Variants in ABCA10 observed in about 807,000 individuals in gnomAD.
ABCA10 encodes ATP-binding cassette sub-family A member 10.
Under a neutral mutation model 187.5 loss-of-function variants are expected in ABCA10, and 169 were observed. The observed-to-expected ratio is 0.90, with a 90% CI of 0.80 to 1.02. The LOEUF (loss-of-function observed/expected upper bound fraction) is 1.02. Among genes scored for constraint, ABCA10 ranks in the 50% least tolerant of loss-of-function variants. The pLI is 0.00. For missense variants in ABCA10, 1,727 were observed against 1,812.4 expected, an observed-to-expected ratio of 0.95 and a Z score of 0.86; for synonymous variants, 574 against 601.8, an observed-to-expected ratio of 0.95 and a Z score of 0.68.
At chr17:69,232,605 AAT>A (rs1271402243), upstream of ABCA10, among the ~76,000 whole-genome samples, 1 of 152,140 alleles carries the variant, frequency 6.6e-6, no homozygotes, top group African/African-American at 2.4e-5. Context: ...TATTATTTTT[AAT>A]AGTTTTGACT....
At chr17:69,162,114 C>G (rs983179173) in intron 27 of ABCA10, among the ~76,000 whole-genome samples, 2 of 152,176 alleles carry the variant, frequency 1.3e-5, no homozygotes, top group African/African-American at 4.8e-5. Context: ...AAACTTTCTA[C>G]TTAGTGCAGG....
Position 69,153,953 on chromosome 17 carries a change from C to G in ABCA10, c.3843G>C (p.Lys1281Asn), listed in dbSNP as rs144160248. The G allele has an allele frequency of 2.0e-5, 32 of 1,614,114 alleles. No individual in the cohort carries two copies. The African/African-American group carries it at 3.5e-4, about 17-fold the overall frequency. Residue 1281 changes from lysine (K) to asparagine (N), a missense_variant, in exon 32 of 39, where the codon AAG (lysine) becomes AAC (asparagine). Physicochemically the swap from Lys to Asn is moderately conservative, Grantham distance 94. Coordinates refer to ENST00000690296, the MANE Select transcript of ABCA10 (RefSeq NM_001377321.1). ...TCTCCTGAGGGCAGTACCCCAAGAA[C>G]TTGAGGCTGTTGTCATGCTGTTGCC... is the stretch of plus-strand genomic sequence containing the variant. ...SVRQQHDNSLKFLGYCPQENS... is the reference protein window; with the variant it reads ...SVRQQHDNSLNFLGYCPQENS...
At chr17:69,212,252 G>A (rs1244143099) in intron 9 of ABCA10, among the ~76,000 whole-genome samples, 1 of 152,086 alleles carries the variant, frequency 6.6e-6, no homozygotes, top group East Asian at 1.9e-4. Flanking sequence ...TCATTCAGGA[G>A]CAGGTTATTT....
At chr17:69,189,754 C>A (rs1208267198) in intron 18 of ABCA10, among the ~76,000 whole-genome samples, 1 of 152,108 alleles carries the variant, frequency 6.6e-6, no homozygotes, top group African/African-American at 2.4e-5. Context: ...AGCCAGTTAT[C>A]CCAGCACCAT....
intron 25 of ABCA10, among the ~76,000 whole-genome samples, chr17:69,172,468 C>T (rs1328766915): frequency 6.6e-6 from 1 of 151,996 alleles, no homozygotes; most frequent in African/African-American, 2.4e-5. Flanking sequence ...GAAGATGGCC[C>T]TCTATAAGCC....
Position 69,176,179 on chromosome 17 carries a change from T to C in ABCA10, c.2770-666A>G, listed in dbSNP as rs1481242331. On this transcript the variant is annotated intron_variant, in intron 22 of 38. Transcript: ENST00000690296. ...ATCATATCTGAAGCACTGAGTTAAGTTGTCATTTGTTCCAGTTCCCTATTT... is the reference window on the plus strand; with the variant it reads ...ATCATATCTGAAGCACTGAGTTAAGCTGTCATTTGTTCCAGTTCCCTATTT... Among the ~76,000 whole-genome samples the C allele has an allele frequency of 3.3e-5, 5 of 152,156 alleles. No individual in the cohort carries two copies. In the East Asian group the frequency reaches 5.8e-4, roughly 18 times the overall value.
rs2074811103 is a variant in ABCA10, at chr17:69,228,583, T to G, written c.-315A>C. ...ATGTAAAACAAATTTTAACTTACAG[T>G]TAAGAAAATAAGAGAGAAGTATTTG... is the stretch of plus-strand genomic sequence containing the variant. On this transcript the variant is annotated splice_region_variant and 5_prime_UTR_variant, in exon 1 of 39. Transcript: ENST00000690296. 6.6e-6 allele frequency: 1 copy of G among 151,978 alleles called. No individual in the cohort carries two copies. Among genetic ancestry groups the G allele is most frequent in the Admixed American group, 6.6e-5 (1 of 15,238 alleles). 9.4% of individuals were successfully genotyped at this position (151,978 alleles called of 1,614,324 possible).
At chr17:69,243,611 T>C (rs2074920000) in intron 1 of ABCA10, among the ~76,000 whole-genome samples, 3 of 152,234 alleles carry the variant, frequency 2.0e-5, no homozygotes, top group South Asian at 2.1e-4. Context: ...TTTACGATGC[T>C]TGAAGGCCAG....
Position 69,219,633 on chromosome 17 carries a change from T to C in ABCA10, c.442A>G (p.Ile148Val), listed in dbSNP as rs560140321. The C allele has an allele frequency of 6.2e-6, 10 of 1,611,108 alleles. No individual in the cohort carries two copies. Among genetic ancestry groups the C allele is most frequent in the Middle Eastern group, 1.7e-4 (1 of 6,044 alleles). ...GCAACATTTAATGATGCAAAGTATA[T>C]AAAAGAAGAGAAAGAAACTAAGCAA... ...FTCLVSFSSF[I>V]YFASLNVARE... Residue 148 changes from isoleucine to valine, a missense_variant, in exon 6 of 39, where the codon ATA becomes GTA. Ile to Val is a conservative substitution (Grantham distance 29, BLOSUM62 3). Coordinates refer to ENST00000690296, the MANE Select transcript of ABCA10 (RefSeq NM_001377321.1).
chr17:69,225,940 T>C (rs1461847518), intron 2 of ABCA10, among the ~76,000 whole-genome samples: 2 of 152,050 alleles, frequency 1.3e-5, no homozygotes, highest in African/African-American at 4.8e-5. Flanking sequence ...ATGACTTAAA[T>C]GACAGCATGG....
rs2074800942 is a variant in ABCA10, at chr17:69,227,132, T to TATATATATATAG, written c.-172+12_-172+13insCTATATATATAT. 1 of 149,332 alleles carries TATATATATATAG rather than the reference T, an allele frequency of 6.7e-6. No individual in the cohort carries two copies. The highest frequency in any genetic ancestry group is 6.7e-5 in the Admixed American group (1 of 14,900). 9.3% of individuals were successfully genotyped at this position (149,332 alleles called of 1,614,324 possible). A position where few individuals can be genotyped will look rare whatever the true frequency, so the allele number is the denominator to read the frequency against. On this transcript the variant is annotated intron_variant, in intron 2 of 38. Coordinates refer to ENST00000690296, the MANE Select transcript of ABCA10 (RefSeq NM_001377321.1). Reference sequence around the variant, plus strand: ...AATTATGGATATATATATATATATATAGTGAATCATACCAATAAACTCTCT... The same window carrying TATATATATATAG: ...AATTATGGATATATATATATATATATATATATATATAGAGTGAATCATACCAATAAACTCTCT...
intron 25 of ABCA10, among the ~76,000 whole-genome samples, chr17:69,171,497 G>A (rs541872339): frequency 6.6e-6 from 1 of 152,252 alleles, no homozygotes; most frequent in South Asian, 2.1e-4. Context: ...GTAGAGAATA[G>A]TATGAAAAGC....
At position 69,164,164 on chromosome 17, in the gene ABCA10, A is replaced by T. The variant is rs776076057; in HGVS notation, c.3283-10T>A. 6.4e-7 allele frequency: 1 copy of T among 1,570,286 alleles called. No individual in the cohort carries two copies. The highest frequency in any genetic ancestry group is 8.6e-7 in the Non-Finnish European group (1 of 1,166,200). ...TTCTCATAAAGTCGAGCTGAAAAAAAACCCACCAACAGTTAAATGCAAGTT... is the reference window on the plus strand; with the variant it reads ...TTCTCATAAAGTCGAGCTGAAAAAATACCCACCAACAGTTAAATGCAAGTT... On this transcript the variant is annotated splice_polypyrimidine_tract_variant and intron_variant, in intron 26 of 38. Transcript: ENST00000690296.
At position 69,194,510 on chromosome 17, in the gene ABCA10, A is replaced by G; in HGVS notation, c.1235-15T>C. On this transcript the variant is annotated splice_polypyrimidine_tract_variant and intron_variant, in intron 11 of 38. Coordinates refer to ENST00000690296, the MANE Select transcript of ABCA10 (RefSeq NM_001377321.1). ...AAAAAATATGCCTGTTTTAGAATAA[A>G]AAGTGGAAATTAGATTTTGGATTAT... 5.1e-6 allele frequency: 8 copies of G among 1,577,480 alleles called. No individual in the cohort carries two copies. The highest frequency in any genetic ancestry group is 6.1e-6 in the Non-Finnish European group (7 of 1,156,394).
intron 9 of ABCA10, among the ~76,000 whole-genome samples, chr17:69,214,324 G>A (rs1221127413): frequency 6.6e-6 from 1 of 151,910 alleles, no homozygotes; most frequent in Non-Finnish European, 1.5e-5. Flanking sequence ...GACCATCCCG[G>A]CTAAAACGGT....
chr17:69,222,399 G>A, intron 4 of ABCA10, 134 bp downstream of exon 4: 4 of 744,490 alleles, frequency 5.4e-6, no homozygotes, highest in Non-Finnish European at 7.8e-6. Flanking sequence ...CTAAGTTAAA[G>A]ACTGATGATT....
At chr17:69,177,973 A>AATATATATATAT (rs58222975) in intron 22 of ABCA10, among the ~76,000 whole-genome samples, 2 of 49,980 alleles carry the variant, frequency 4.0e-5, no homozygotes, top group Admixed American at 2.7e-4. Context: ...AAAAAAAAAA[A>AATATATATATAT]ATATATATAT....
chr17:69,192,259 G>A (rs541168457), intron 16 of ABCA10, among the ~76,000 whole-genome samples: 1 of 152,298 alleles, frequency 6.6e-6, no homozygotes, highest in East Asian at 1.9e-4. Flanking sequence ...GGGAGTTGGA[G>A]GTTGCAGCCA....
intron 7 of ABCA10, 94 bp from the exon 8 acceptor site, chr17:69,216,094 CA>C (rs2074701761): frequency 6.4e-7 from 1 of 1,551,440 alleles, no homozygotes; most frequent in Non-Finnish European, 8.7e-7. Flanking sequence ...AAAATTTTCT[CA>C]AAACATATAG....
Sources: allele counts gnomAD v4.1 joint callset (sites outside exome capture counted in the v4.1 genomes callset), GRCh38; gene constraint gnomAD v4.1.1; transcripts MANE v1.5; gene names NCBI Gene and HGNC (gene_info 2026-07-23, HGNC 2026-07-21).